AR: variants seen among roughly 807,000 people sequenced by gnomAD.
The protein encoded by AR is dihydrotestosterone receptor.
Under a neutral mutation model 53.9 loss-of-function variants are expected in AR, and 8 were observed. That is an observed-to-expected ratio of 0.15 (90% confidence interval 0.09 to 0.27). The LOEUF is 0.27. AR is among the 10% of genes least tolerant of loss of function. The pLI is 1.00. For missense variants in AR, 639 were observed against 742.5 expected (o/e 0.86, Z 1.62); for synonymous variants, 359 against 316.4 (o/e 1.13, Z -1.43).
intron 1 of AR, among the ~76,000 whole-genome samples, chrX:67,636,979 C>T (rs1925466039): frequency 9.0e-6 from 1 of 111,659 alleles, no homozygotes; most frequent in Non-Finnish European, 1.9e-5. Flanking sequence ...GCCTAACAAA[C>T]AAAACTCTAA....
chrX:67,633,184 T>C (rs1283035249), intron 1 of AR, among the ~76,000 whole-genome samples: 2 of 112,292 alleles, frequency 1.8e-5, no homozygotes, highest in African/African-American at 6.5e-5. Context: ...GTTTGCTATA[T>C]AGCTAAATTG....
intron 3 of AR, among the ~76,000 whole-genome samples, chrX:67,699,534 G>A (rs2076034189): frequency 8.9e-6 from 1 of 111,743 alleles, no homozygotes; most frequent in East Asian, 2.8e-4. Context: ...GGGCTCACCT[G>A]ATGAGGTCAG....
At position 67,724,368 on chromosome X, in the gene AR, C is replaced by T. The variant is rs193160657; in HGVS notation, c.*527C>T. The T allele has an allele frequency of 3.9e-5, 7 of 177,801 alleles. No homozygotes were observed. Among genetic ancestry groups the T allele is most frequent in the African/African-American group, 8.9e-5 (3 of 33,562 alleles). 14.7% of individuals were successfully genotyped at this position (177,801 alleles called of 1,213,427 possible). ...AAATAAATAAATAAATAAATAAATA[C>T]GTACATACATACACACATACATACA... On this transcript the variant is annotated 3_prime_UTR_variant, in exon 8 of 8. Coordinates refer to ENST00000374690, the MANE Select transcript of AR (RefSeq NM_000044.6).
chrX:67,659,066 A>G (rs1926731316), intron 2 of AR, among the ~76,000 whole-genome samples: 1 of 110,613 alleles, frequency 9.0e-6, no homozygotes, highest in Admixed American at 9.7e-5. Context: ...TTACAGAACT[A>G]TAAATTACAT....
intron 1 of AR, among the ~76,000 whole-genome samples, chrX:67,562,957 C>T (rs147510519): frequency 4.9e-4 from 55 of 112,119 alleles, no homozygotes; most frequent in African/African-American, 1.7e-3. Context: ...TAATTCACCA[C>T]ACCATATCTG....
intron 1 of AR, among the ~76,000 whole-genome samples, chrX:67,610,409 A>G (rs764883499): frequency 2.0e-4 from 22 of 111,088 alleles, no homozygotes; most frequent in Admixed American, 1.9e-3. Flanking sequence ...TGGTAGAATG[A>G]TAAAACTGAA....
intron 1 of AR, among the ~76,000 whole-genome samples, chrX:67,578,315 C>T (rs1031037283): frequency 7.2e-5 from 8 of 111,719 alleles, no homozygotes; most frequent in African/African-American, 2.6e-4. Context: ...TCAACTAAAA[C>T]TCTGGAATAC....
chrX:67,584,900 C>CA (rs1176439458), intron 1 of AR, among the ~76,000 whole-genome samples: 1 of 111,603 alleles, frequency 9.0e-6, no homozygotes, highest in African/African-American at 3.3e-5. Flanking sequence ...GGCATGAACT[C>CA]ACAGTAGCCT....
At chrX:67,704,942 G>T (rs1334959576) in intron 3 of AR, among the ~76,000 whole-genome samples, 1 of 111,998 alleles carries the variant, frequency 8.9e-6, no homozygotes, top group Non-Finnish European at 1.9e-5. Context: ...GTTTGTCAAA[G>T]ATCAGATGGT....
At chrX:67,608,394 G>A (rs994408821) in intron 1 of AR, among the ~76,000 whole-genome samples, 2 of 111,874 alleles carry the variant, frequency 1.8e-5, no homozygotes, top group Non-Finnish European at 3.8e-5. Flanking sequence ...TTTAACTTCA[G>A]TGGTGCCAGC....
chrX:67,575,272 G>A (rs1433334395), intron 1 of AR, among the ~76,000 whole-genome samples: 1 of 111,578 alleles, frequency 9.0e-6, no homozygotes, highest in Non-Finnish European at 1.9e-5. Context: ...CCTTGAAAGA[G>A]GTCCAAATAT....
intron 1 of AR, among the ~76,000 whole-genome samples, chrX:67,593,597 G>A (rs186673861): frequency 0.011 from 1,177 of 110,850 alleles, 18 homozygotes; most frequent in African/African-American, 0.037. Flanking sequence ...TGATCTGCCC[G>A]CCTTGCCCTC....
At chrX:67,643,189 G>A in intron 1 of AR, 67 bp from the exon 2 acceptor site, 1 of 1,161,772 alleles carries the variant, frequency 8.6e-7, no homozygotes, top group Non-Finnish European at 1.2e-6. Context: ...CTGAAGACCT[G>A]AGACTTCACT....
chrX:67,589,778 C>T (rs1275869694), intron 1 of AR, among the ~76,000 whole-genome samples: 1 of 111,597 alleles, frequency 9.0e-6, no homozygotes, highest in Non-Finnish European at 1.9e-5. Flanking sequence ...CCAGTTTCCC[C>T]TCTGTTTTCT....
chrX:67,562,960 C>T (rs1921400839), intron 1 of AR, among the ~76,000 whole-genome samples: 1 of 111,956 alleles, frequency 8.9e-6, no homozygotes, highest in South Asian at 3.7e-4. Flanking sequence ...TTCACCACAC[C>T]ATATCTGTCT....
intron 2 of AR, among the ~76,000 whole-genome samples, chrX:67,670,210 C>T (rs2075855353): frequency 2.4e-5 from 2 of 83,687 alleles, no homozygotes; most frequent in Admixed American, 3.1e-4. Context: ...ATATATACAA[C>T]TACATATTGG....
At chrX:67,567,874 G>A (rs1921622591) in intron 1 of AR, among the ~76,000 whole-genome samples, 1 of 111,651 alleles carries the variant, frequency 9.0e-6, no homozygotes. Flanking sequence ...TATACTTCAG[G>A]GATAAAATCT....
chrX:67,555,058 C>T (rs1930139792), intron 1 of AR, among the ~76,000 whole-genome samples: 1 of 111,037 alleles, frequency 9.0e-6, no homozygotes, highest in Admixed American at 9.6e-5. Context: ...TTACGAGGAG[C>T]TTATAGCCAC....
At position 67,683,533 on chromosome X, in the gene AR, G is replaced by T. The variant is rs148538100; in HGVS notation, c.1769-2477G>T. Among the ~76,000 whole-genome samples the T allele has an allele frequency of 8.1e-3, 912 of 112,295 alleles. 7 individuals carry two copies. The highest frequency in any genetic ancestry group is 0.028 in the African/African-American group (867 of 30,960). ...TCAATGGGGCCCAGAGAGGCAAAAG[G>T]TCTTGTCCAAGGTCATATAGTGAGT... On this transcript the variant is annotated intron_variant, in intron 2 of 7. Coordinates refer to ENST00000374690, the MANE Select transcript of AR (RefSeq NM_000044.6).
Sources: allele counts gnomAD v4.1 joint callset (sites outside exome capture counted in the v4.1 genomes callset), GRCh38; gene constraint gnomAD v4.1.1; transcripts MANE v1.5; gene names NCBI Gene and HGNC (gene_info 2026-07-23, HGNC 2026-07-21).